Variants in CPE observed in about 807,000 individuals in gnomAD.
The protein encoded by CPE is carbocypeptidase E.
A neutral mutation model predicts 53.5 loss-of-function variants in CPE; 17 were observed. The observed-to-expected ratio is 0.32, with a 90% CI of 0.22 to 0.48. The LOEUF (loss-of-function observed/expected upper bound fraction) is 0.48, where lower values mean the gene tolerates loss of function less well. CPE is among the 20% of genes least tolerant of loss of function. The pLI, the probability that CPE is intolerant of heterozygous loss-of-function variation, is 0.99. For missense variants in CPE, 524 were observed against 614.7 expected (o/e 0.85, Z 1.56); for synonymous variants, 226 against 228.8 (o/e 0.99, Z 0.11).
chr4:165,464,240 G>A, intron 1 of CPE, 150 bp from the exon 2 acceptor site: 1 of 613,360 alleles, frequency 1.6e-6, no homozygotes, highest in Non-Finnish European at 2.7e-6. Context: ...GATAGAAGGG[G>A]TATTTTAATG....
chr4:165,467,771 G>A lies in CPE; in HGVS notation c.588G>A (p.Arg196=), dbSNP rs1732134127. The A allele has an allele frequency of 6.2e-7, 1 of 1,613,816 alleles. No homozygotes were observed. The change falls in exon 3 of 9, where the codon AGG becomes AGA. Residue 196 remains arginine (R), a synonymous_variant. Transcript: ENST00000402744. The part of the protein sequence containing the change: ...DLNRNFPDLD[R]IVYVNEKEGG... ...ACCGGAACTTTCCAGACCTGGATAG[G>A]ATAGTGTACGTGAATGAGAAAGAAG...
At chr4:165,484,697 C>A in intron 5 of CPE, 93 bp downstream of exon 5, 1 of 1,180,306 alleles carries the variant, frequency 8.5e-7, no homozygotes, top group African/African-American at 1.5e-5. Flanking sequence ...AGAGAATCTT[C>A]AATCGTCCTC....
At chr4:165,449,106 C>T (rs1269403891) in intron 1 of CPE, among the ~76,000 whole-genome samples, 1 of 152,172 alleles carries the variant, frequency 6.6e-6, no homozygotes, top group African/African-American at 2.4e-5. Context: ...TTGGAAAAGT[C>T]CCCACCACAG....
intron 1 of CPE, among the ~76,000 whole-genome samples, chr4:165,445,102 A>C (rs1265843878): frequency 6.6e-6 from 1 of 152,056 alleles, no homozygotes; most frequent in East Asian, 1.9e-4. Flanking sequence ...GATTACAGGC[A>C]TGCACCACCA....
chr4:165,428,762 C>A (rs116746847), intron 1 of CPE, among the ~76,000 whole-genome samples: 1 of 152,110 alleles, frequency 6.6e-6, no homozygotes, highest in African/African-American at 2.4e-5. Flanking sequence ...CAATTTCTGC[C>A]TTTGTGGACA....
intron 1 of CPE, among the ~76,000 whole-genome samples, chr4:165,456,496 A>G (rs1463397977): frequency 6.6e-6 from 1 of 151,822 alleles, no homozygotes; most frequent in Non-Finnish European, 1.5e-5. Context: ...GGTAGACGCT[A>G]ATTTCATCTT....
At chr4:165,430,160 C>T (rs28660703) in intron 1 of CPE, among the ~76,000 whole-genome samples, 44,844 of 151,874 alleles carry the variant, frequency 0.3, 6,681 homozygotes, top group Middle Eastern at 0.39. Flanking sequence ...AGCCTAGAGG[C>T]AGTTTTCATT....
At chr4:165,487,817 T>C (rs1732534462) in intron 6 of CPE, among the ~76,000 whole-genome samples, 1 of 151,780 alleles carries the variant, frequency 6.6e-6, no homozygotes, top group African/African-American at 2.4e-5. Flanking sequence ...TAGACTCTCG[T>C]TTCTGTTTGT....
At chr4:165,418,501 T>C (rs1437889846) in intron 1 of CPE, among the ~76,000 whole-genome samples, 1 of 152,192 alleles carries the variant, frequency 6.6e-6, no homozygotes, top group East Asian at 1.9e-4. Flanking sequence ...GGAAGGGTGA[T>C]AGCACACAAA....
chr4:165,411,437 C>T (rs1731040356), intron 1 of CPE, among the ~76,000 whole-genome samples: 2 of 152,174 alleles, frequency 1.3e-5, no homozygotes, highest in East Asian at 1.9e-4. Context: ...ACAGTTACCA[C>T]CTGGTAGGTA....
Position 165,469,415 on chromosome 4 carries a change from G to A in CPE, c.672+1560G>A, listed in dbSNP as rs187589444. On this transcript the variant is annotated intron_variant, in intron 3 of 8. Transcript: ENST00000402744. ...CAGCTCTTGGCCCCTGGAAGCTGCC[G>A]GCTGGTTTATTCCTTAAGCTGGCTT... 1.6e-4 allele frequency among the ~76,000 whole-genome samples: 24 copies of A among 152,200 alleles called. 1 individual carries two copies. In the Middle Eastern group the frequency reaches 0.01, roughly 65 times the overall value.
chr4:165,475,890 C>G (rs905777019), intron 3 of CPE, among the ~76,000 whole-genome samples: 2 of 152,068 alleles, frequency 1.3e-5, no homozygotes. Flanking sequence ...AAGAATTGTT[C>G]TAGTGGTTGG....
chr4:165,431,559 G>T (rs1295016357), intron 1 of CPE, among the ~76,000 whole-genome samples: 1 of 152,146 alleles, frequency 6.6e-6, no homozygotes, highest in Non-Finnish European at 1.5e-5. Flanking sequence ...TTAATAATAG[G>T]GGGAGATTTT....
chr4:165,404,496 A>G (rs541502112), intron 1 of CPE: 57 of 795,866 alleles, frequency 7.2e-5, no homozygotes, highest in African/African-American at 4.0e-4. Flanking sequence ...GACACCATCT[A>G]TGTCAGTAGT....
intron 1 of CPE, among the ~76,000 whole-genome samples, chr4:165,423,136 T>C (rs1297180189): frequency 6.6e-6 from 1 of 152,176 alleles, no homozygotes; most frequent in Non-Finnish European, 1.5e-5. Flanking sequence ...TTTATCTCAG[T>C]GAGCAGAGGG....
At chr4:165,430,946 G>A (rs966054840) in intron 1 of CPE, among the ~76,000 whole-genome samples, 7 of 152,176 alleles carry the variant, frequency 4.6e-5, no homozygotes, top group Non-Finnish European at 7.3e-5. Flanking sequence ...CTCTGACCTC[G>A]GTGGTTGCTC....
At chr4:165,483,890 T>G (rs1014150296) in intron 4 of CPE, among the ~76,000 whole-genome samples, 3 of 152,216 alleles carry the variant, frequency 2.0e-5, no homozygotes, top group African/African-American at 7.2e-5. Flanking sequence ...TTAAATAAAT[T>G]TGAAGACTTT....
chr4:165,425,290 C>CTAAT (rs60925238), intron 1 of CPE, among the ~76,000 whole-genome samples: 44,780 of 151,644 alleles, frequency 0.3, 6,657 homozygotes, highest in Middle Eastern at 0.39. Flanking sequence ...TTTTTTGTAT[C>CTAAT]TAGAAGTTTT....
intron 1 of CPE, among the ~76,000 whole-genome samples, chr4:165,385,507 G>T (rs563579232): frequency 1.4e-5 from 2 of 139,520 alleles, no homozygotes; most frequent in Non-Finnish European, 3.0e-5. Flanking sequence ...GAAGTGGCAC[G>T]ATCATGGCTC....
Sources: allele counts gnomAD v4.1 joint callset (sites outside exome capture counted in the v4.1 genomes callset), GRCh38; gene constraint gnomAD v4.1.1; transcripts MANE v1.5; gene names NCBI Gene and HGNC (gene_info 2026-07-23, HGNC 2026-07-21).